The following ANO3 variants were observed in gnomAD, a reference collection of about 807,000 sequenced individuals.
ANO3 encodes anoctamin 3, also known as anoctamin-3.
In ANO3, 99 loss-of-function variants were observed where a neutral mutation model predicts 144.8. That is an observed-to-expected ratio of 0.68 (90% CI 0.58 to 0.81). The LOEUF (loss-of-function observed/expected upper bound fraction) is 0.81, where lower values mean the gene tolerates loss of function less well. Ranked by LOEUF, ANO3 falls within the 30% of genes least tolerant of loss-of-function variation. The pLI is 0.00. For missense variants in ANO3, 905 were observed against 1,202.2 expected (o/e 0.75, Z 3.66); for synonymous variants, 414 against 392.6 (o/e 1.05, Z -0.64).
chr11:26,561,387 T>C (rs1850286273), intron 14 of ANO3, among the ~76,000 whole-genome samples: 1 of 152,062 alleles, frequency 6.6e-6, no homozygotes, highest in Admixed American at 6.6e-5. Flanking sequence ...GTAGATGTTT[T>C]TCAAGCTTCA....
intron 12 of ANO3, 109 bp from the exon 13 acceptor site, chr11:26,553,139 TC>T: frequency 1.3e-6 from 1 of 777,522 alleles, no homozygotes; most frequent in Admixed American, 2.0e-5. Flanking sequence ...CTTCTCCTTT[TC>T]CTCTCTGCCT....
At chr11:26,500,985 A>G (rs190859749) in intron 4 of ANO3, among the ~76,000 whole-genome samples, 4 of 152,358 alleles carry the variant, frequency 2.6e-5, no homozygotes, top group Non-Finnish European at 5.9e-5. Context: ...ACCAGTGTCT[A>G]GACTTCCATC....
intron 1 of ANO3, among the ~76,000 whole-genome samples, chr11:26,378,293 A>C (rs1018168534): frequency 1.3e-5 from 2 of 149,782 alleles, no homozygotes; most frequent in Non-Finnish European, 3.0e-5. Context: ...TTAGACTCTC[A>C]TGAGGTATAC....
At chr11:26,565,917 T>C (rs1850562591) in intron 14 of ANO3, 3 of 1,540,998 alleles carry the variant, frequency 1.9e-6, no homozygotes, top group Non-Finnish European at 1.7e-6. Context: ...ATAACCATAA[T>C]TTGAATTCCT....
At chr11:26,190,849 A>T (rs1039629979) in intron 1 of ANO3, among the ~76,000 whole-genome samples, 3 of 152,162 alleles carry the variant, frequency 2.0e-5, no homozygotes, top group Non-Finnish European at 4.4e-5. Flanking sequence ...AACACATCCC[A>T]GTTGAAATCC....
At chr11:26,287,913 C>T (rs1853846115) in intron 1 of ANO3, 1 of 152,198 alleles carries the variant, frequency 6.6e-6, no homozygotes, top group Non-Finnish European at 1.5e-5. Flanking sequence ...CTTCTCTTGG[C>T]TTTTGAAACC....
At chr11:26,474,422 G>GT (rs1365493875) in intron 4 of ANO3, among the ~76,000 whole-genome samples, 1 of 151,278 alleles carries the variant, frequency 6.6e-6, no homozygotes, top group Non-Finnish European at 1.5e-5. Context: ...CTCTAAAATG[G>GT]TTTTTTATTC....
chr11:26,608,009 G>C (rs984494224), intron 17 of ANO3, among the ~76,000 whole-genome samples: 2 of 152,200 alleles, frequency 1.3e-5, no homozygotes, highest in African/African-American at 2.4e-5. Flanking sequence ...GAGGAGAAAA[G>C]GTATTCTGGC....
At chr11:26,516,188 C>T (rs1431603537) in intron 5 of ANO3, among the ~76,000 whole-genome samples, 3 of 151,648 alleles carry the variant, frequency 2.0e-5, no homozygotes, top group African/African-American at 7.3e-5. Context: ...TTTACATAAT[C>T]CTTATGCATA....
intron 1 of ANO3, among the ~76,000 whole-genome samples, chr11:26,252,803 T>A (rs948753808): frequency 6.6e-6 from 1 of 152,212 alleles, no homozygotes; most frequent in Non-Finnish European, 1.5e-5. Flanking sequence ...TTTCTCATTT[T>A]ATGCTATGTC....
chr11:26,550,412 G>T (rs557305124), intron 12 of ANO3, among the ~76,000 whole-genome samples: 1 of 151,760 alleles, frequency 6.6e-6, no homozygotes, highest in African/African-American at 2.4e-5. Context: ...CTTTTTATCC[G>T]TTTTACCCTC....
chr11:26,244,457 A>G (rs530231529), intron 1 of ANO3, among the ~76,000 whole-genome samples: 8 of 150,746 alleles, frequency 5.3e-5, no homozygotes, highest in African/African-American at 7.5e-5. Context: ...CCACTTAGTC[A>G]GTGAGAACCA....
chr11:26,568,383 A>G (rs1850680196), intron 14 of ANO3, among the ~76,000 whole-genome samples: 1 of 151,962 alleles, frequency 6.6e-6, no homozygotes, highest in Non-Finnish European at 1.5e-5. Context: ...TCTGATTTAA[A>G]GCTAGTCAGT....
chr11:26,498,752 C>T lies in ANO3; in HGVS notation c.433-9352C>T, dbSNP rs116784426. Among the ~76,000 whole-genome samples the T allele has an allele frequency of 2.2e-3, 329 of 151,664 alleles. 1 individual carries two copies. The highest frequency in any genetic ancestry group is 7.2e-3 in the African/African-American group (298 of 41,480). ...TTTCTCTCAATTAGTCTCAACAGAA[C>T]GAACTAGTATTCTGCTTTTGATGAT... On this transcript the variant is annotated intron_variant, in intron 4 of 26. Transcript: ENST00000256737.
intron 1 of ANO3, among the ~76,000 whole-genome samples, chr11:26,399,086 CTG>C (rs1857085725): frequency 1.3e-5 from 2 of 152,050 alleles, no homozygotes; most frequent in African/African-American, 4.8e-5. Context: ...CACAGATACT[CTG>C]TTACCTGGCA....
intron 1 of ANO3, among the ~76,000 whole-genome samples, chr11:26,423,707 T>G (rs1350185579): frequency 6.6e-6 from 1 of 152,038 alleles, no homozygotes; most frequent in Non-Finnish European, 1.5e-5. Flanking sequence ...CTTTCTGAGC[T>G]TTGCTTTAGC....
At chr11:26,553,611 A>G (rs1164605745) in intron 13 of ANO3, among the ~76,000 whole-genome samples, 1 of 152,182 alleles carries the variant, frequency 6.6e-6, no homozygotes, top group East Asian at 1.9e-4. Context: ...AATTATATCT[A>G]GATTCTTTTT....
intron 3 of ANO3, among the ~76,000 whole-genome samples, chr11:26,450,939 G>C (rs1858907573): frequency 6.6e-6 from 1 of 152,150 alleles, no homozygotes; most frequent in African/African-American, 2.4e-5. Context: ...TTTATGTTGT[G>C]ATCATAATAG....
chr11:26,438,590 T>TACAAAAAAA (rs1858379340), intron 1 of ANO3, among the ~76,000 whole-genome samples: 1 of 5,790 alleles, frequency 1.7e-4, no homozygotes, highest in African/African-American at 7.1e-4. Context: ...CTACTAAAAA[T>TACAAAAAAA]ACAAAAAAAA....
Sources: gnomAD v4.1 joint callset for allele counts (sites outside exome capture counted in the v4.1 genomes callset) on GRCh38, gnomAD v4.1.1 for gene constraint, MANE v1.5 for transcripts, NCBI Gene and HGNC (gene_info 2026-07-23, HGNC 2026-07-21) for gene names.